Variants in STAG1 observed in about 807,000 individuals in gnomAD.
STAG1 encodes cohesin subunit SA-1.
Under a neutral mutation model 170.9 loss-of-function variants are expected in STAG1, and 26 were observed. The ratio of observed to expected loss-of-function variants is 0.15; its 90% CI spans 0.11 to 0.21. The LOEUF (loss-of-function observed/expected upper bound fraction) is 0.21. Among genes scored for constraint, STAG1 ranks in the 10% least tolerant of loss-of-function variants. STAG1 has a pLI of 1.00. For synonymous variants in STAG1, 514 were observed against 497.7 expected (o/e 1.03, Z -0.44); for missense variants, 964 against 1,509.5 (o/e 0.64, Z 5.99).
intron 3 of STAG1, among the ~76,000 whole-genome samples, chr3:136,612,907 T>C (rs1046713146): frequency 6.6e-6 from 1 of 152,216 alleles, no homozygotes; most frequent in East Asian, 1.9e-4. Context: ...CCTAGAGGTA[T>C]AACTGCTGGA....
At chr3:136,434,655 A>G (rs1389762949) in intron 15 of STAG1, among the ~76,000 whole-genome samples, 1 of 152,126 alleles carries the variant, frequency 6.6e-6, no homozygotes, top group Non-Finnish European at 1.5e-5. Flanking sequence ...GAAATTGTTA[A>G]TTTTTAAAAA....
At chr3:136,691,451 G>A (rs997009029) in intron 1 of STAG1, among the ~76,000 whole-genome samples, 1 of 151,934 alleles carries the variant, frequency 6.6e-6, no homozygotes, top group Non-Finnish European at 1.5e-5. Context: ...AAAATTAGCT[G>A]GGCACAGTGG....
chr3:136,477,400 A>G lies in STAG1; in HGVS notation c.915T>C (p.Ala305=). 1.2e-6 allele frequency: 2 copies of G among 1,609,132 alleles called. No homozygotes were observed. The highest frequency in any genetic ancestry group is 1.7e-6 in the Non-Finnish European group (2 of 1,177,708). The change falls in exon 10 of 34, where the codon GCT becomes GCC. Residue 305 remains alanine, a synonymous_variant. Coordinates refer to ENST00000383202, the MANE Select transcript of STAG1 (RefSeq NM_005862.3). ...IFVHRYRDAI[A]EIRAICIEEI... ...CTTCAATACAAATGGCTCTAATCTC[A>G]GCAATAGCATCACTAGAGAGAGAAA...
chr3:136,559,069 T>G (rs1936734522), intron 5 of STAG1, among the ~76,000 whole-genome samples: 1 of 152,174 alleles, frequency 6.6e-6, no homozygotes, highest in African/African-American at 2.4e-5. Context: ...TTCAGTCTTT[T>G]GTATATATAA....
intron 5 of STAG1, among the ~76,000 whole-genome samples, chr3:136,545,049 TTTTA>T (rs1936093168): frequency 6.6e-6 from 1 of 152,140 alleles, no homozygotes; most frequent in African/African-American, 2.4e-5. Context: ...CTTTTTATTT[TTTTA>T]TTTCTTTTTT....
At chr3:136,566,307 A>T (rs1443375907) in intron 5 of STAG1, among the ~76,000 whole-genome samples, 1 of 152,232 alleles carries the variant, frequency 6.6e-6, no homozygotes, top group East Asian at 1.9e-4. Flanking sequence ...ATGTAAGGGT[A>T]CAACTAGAAG....
At chr3:136,467,280 C>T (rs2089491331) in intron 12 of STAG1, among the ~76,000 whole-genome samples, 1 of 152,014 alleles carries the variant, frequency 6.6e-6, no homozygotes, top group African/African-American at 2.4e-5. Flanking sequence ...CATGCAGAGA[C>T]ACACATAGGC....
rs1435450621 is a variant in STAG1, at chr3:136,477,300, G to C, written c.1015C>G (p.Leu339Val). Reference sequence around the variant, plus strand: ...ACAGAGTAACTTACCCTGTCATGAAGAGTCCAGCCAACATATTTTAGGTAA... The same window carrying C: ...ACAGAGTAACTTACCCTGTCATGAACAGTCCAGCCAACATATTTTAGGTAA... ...DSYLKYVGWT[L>V]HDRQGEVRLK... The change falls in exon 10 of 34, where the codon CTT becomes GTT. Residue 339 changes from leucine (L) to valine (V), a missense_variant. This residue lies in a region of STAG1 where 57 missense variants were observed against 157.6 expected (regional missense o/e 0.36). Transcript: ENST00000383202. The C allele has an allele frequency of 6.2e-7, 1 of 1,611,618 alleles. No individual in the cohort carries two copies. The highest frequency in any genetic ancestry group is 1.1e-5 in the South Asian group (1 of 90,564).
At chr3:136,706,577 T>C (rs1943232886) in intron 1 of STAG1, among the ~76,000 whole-genome samples, 1 of 152,190 alleles carries the variant, frequency 6.6e-6, no homozygotes, top group Admixed American at 6.5e-5. Flanking sequence ...CTTAATTAAA[T>C]GGAAAGACAT....
chr3:136,466,290 G>C (rs1268247575), intron 12 of STAG1, among the ~76,000 whole-genome samples: 1 of 152,122 alleles, frequency 6.6e-6, no homozygotes, highest in Non-Finnish European at 1.5e-5. Context: ...AGAATAACCA[G>C]CGTAGAGAAG....
intron 7 of STAG1, among the ~76,000 whole-genome samples, chr3:136,514,238 A>G (rs1022623585): frequency 2.6e-5 from 4 of 152,204 alleles, no homozygotes; most frequent in Admixed American, 1.3e-4. Flanking sequence ...TGTTCTCTAT[A>G]TTAAAATCAC....
At chr3:136,492,366 A>G (rs913244867) in intron 9 of STAG1, among the ~76,000 whole-genome samples, 1 of 152,230 alleles carries the variant, frequency 6.6e-6, no homozygotes, top group Non-Finnish European at 1.5e-5. Context: ...CTACAAGGAT[A>G]ATAGGTTGAA....
rs563312980 is a variant in STAG1, at chr3:136,463,173, G to A, written c.1313+1708C>T. On this transcript the variant is annotated intron_variant, in intron 13 of 33. Coordinates refer to ENST00000383202, the MANE Select transcript of STAG1 (RefSeq NM_005862.3). ...ACTAGGAAATGCAATATTATTTTAAGTCATGCCTGAAAACCTTGACTTTCT... is the reference window on the plus strand; with the variant it reads ...ACTAGGAAATGCAATATTATTTTAAATCATGCCTGAAAACCTTGACTTTCT... 2.6e-4 allele frequency among the ~76,000 whole-genome samples: 39 copies of A among 152,314 alleles called. 1 individual carries two copies. The South Asian group carries it at 7.5e-3, about 29-fold the overall frequency.
intron 1 of STAG1, among the ~76,000 whole-genome samples, chr3:136,740,232 G>A (rs994385141): frequency 6.6e-6 from 1 of 152,094 alleles, no homozygotes. Context: ...AACAAAGCGA[G>A]ATTCCATCTC....
Position 136,400,386 on chromosome 3 carries a change from A to AT in STAG1, c.2197-1558dup, listed in dbSNP as rs557252156. On this transcript the variant is annotated intron_variant, in intron 21 of 33. Transcript: ENST00000383202. ...GGAACTACAGGCACACGCCTGACTA[A>AT]TTTTTTTGTATTTTAGTAGAGACGG... Among the ~76,000 whole-genome samples, 20 of 151,294 alleles carry AT rather than the reference A, an allele frequency of 1.3e-4. No homozygotes were observed. In the East Asian group the frequency reaches 3.9e-3, roughly 29 times the overall value.
In STAG1 at chr3:136,359,301, T is replaced by G. The variant is rs1433978037; in HGVS notation, c.2788-5A>C. Reference sequence around the variant, plus strand: ...TTGAACAAGTTCATTAAATAACTGATAGAAAGAAAAAAAGAAGAAAAAACC... The same window carrying G: ...TTGAACAAGTTCATTAAATAACTGAGAGAAAGAAAAAAAGAAGAAAAAACC... On this transcript the variant is annotated splice_region_variant and splice_polypyrimidine_tract_variant and intron_variant, in intron 26 of 33. Transcript: ENST00000383202. 1 of 1,549,040 alleles carries G rather than the reference T, an allele frequency of 6.5e-7. No individual in the cohort carries two copies. Among genetic ancestry groups the G allele is most frequent in the Non-Finnish European group, 8.7e-7 (1 of 1,147,698 alleles).
At chr3:136,340,303 G>A (rs1312862696) in intron 32 of STAG1, among the ~76,000 whole-genome samples, 188 bp downstream of exon 32, 2 of 152,012 alleles carry the variant, frequency 1.3e-5, no homozygotes, top group Admixed American at 6.6e-5. Flanking sequence ...TGTATTTTTA[G>A]TAGAGACGGG....
intron 1 of STAG1, among the ~76,000 whole-genome samples, chr3:136,686,649 C>T (rs192370922): frequency 1.1e-4 from 17 of 152,152 alleles, no homozygotes; most frequent in African/African-American, 3.9e-4. Flanking sequence ...AGCTCTAATC[C>T]ATGAACCCAA....
intron 11 of STAG1, 132 bp downstream of exon 11, chr3:136,473,407 C>T (rs1367923851): frequency 3.1e-6 from 2 of 640,910 alleles, no homozygotes; most frequent in Non-Finnish European, 2.5e-6. Flanking sequence ...TCCCTGGTGC[C>T]AAAAAGGTTG....
Sources: allele counts gnomAD v4.1 joint callset (sites outside exome capture counted in the v4.1 genomes callset), GRCh38; gene constraint gnomAD v4.1.1; regional missense constraint gnomAD v4.1.1; transcripts MANE v1.5; gene names NCBI Gene and HGNC (gene_info 2026-07-23, HGNC 2026-07-21).